The following ARID1B variants were observed in gnomAD, a reference collection of about 807,000 sequenced individuals.
ARID1B encodes the protein AT-rich interaction domain 1B.
Under a neutral mutation model 212.3 loss-of-function variants are expected in ARID1B, and 30 were observed. That is an observed-to-expected ratio of 0.14 (90% CI 0.11 to 0.19). The LOEUF (loss-of-function observed/expected upper bound fraction) is 0.19. ARID1B is among the 10% of genes least tolerant of loss of function. The pLI is 1.00. For missense variants in ARID1B, 2,891 were observed against 3,204.0 expected (o/e 0.90, Z 2.36); for synonymous variants, 1,402 against 1,301.7 (o/e 1.08, Z -1.66).
chr6:156,859,896 A>G lies in ARID1B; in HGVS notation c.1986+30475A>G, dbSNP rs546757072. On this transcript the variant is annotated intron_variant, in intron 2 of 19. Transcript: ENST00000636930. ...TTTCACACCCTTCTTGTCTAGTTAC[A>G]TAATTGTATGCAGCAGGAGTTGTTT... Among the ~76,000 whole-genome samples, 4 of 152,324 alleles carry G rather than the reference A, an allele frequency of 2.6e-5. 1 individual carries two copies. In the South Asian group the frequency reaches 8.3e-4, roughly 32 times the overall value.
intron 2 of ARID1B, among the ~76,000 whole-genome samples, chr6:156,846,356 G>T (rs1246725581): frequency 1.3e-5 from 2 of 150,970 alleles, no homozygotes; most frequent in Admixed American, 1.3e-4. Context: ...TAGTGGAGAC[G>T]GGGTTTCACC....
At chr6:157,033,532 C>T (rs745740731) in intron 4 of ARID1B, among the ~76,000 whole-genome samples, 1 of 152,168 alleles carries the variant, frequency 6.6e-6, no homozygotes, top group South Asian at 2.1e-4. Context: ...AAGGAAAGTA[C>T]GGCCAGTTTT....
chr6:156,823,154 C>T (rs975228297), intron 1 of ARID1B, among the ~76,000 whole-genome samples: 4 of 152,090 alleles, frequency 2.6e-5, no homozygotes, highest in South Asian at 2.1e-4. Flanking sequence ...GTGTGTAGTC[C>T]GCTGTGTTGG....
At chr6:156,970,561 T>G (rs1383817157) in intron 4 of ARID1B, among the ~76,000 whole-genome samples, 1 of 152,268 alleles carries the variant, frequency 6.6e-6, no homozygotes, top group Non-Finnish European at 1.5e-5. Flanking sequence ...AAACAATTTG[T>G]TCAAAACTAT....
chr6:156,975,602 A>ATTT (rs57649427), intron 4 of ARID1B, among the ~76,000 whole-genome samples: 1 of 86,300 alleles, frequency 1.2e-5, no homozygotes, highest in African/African-American at 4.7e-5. Flanking sequence ...GTTTGACTGT[A>ATTT]TTTTTTTTTT....
At position 156,778,817 on chromosome 6, in the gene ARID1B, C is replaced by A. The variant is rs1201926612; in HGVS notation, c.1137C>A (p.Asn379Lys). The change falls in exon 1 of 20, where the codon AAC becomes AAA. Residue 379 changes from asparagine to lysine, a missense_variant. Physicochemically the swap from Asn to Lys is moderately conservative, Grantham distance 94. Around this residue, in one of 7 missense-constraint regions of ARID1B, gnomAD observed 1,643 missense variants for 1,544.0 expected, o/e 1.06. Transcript: ENST00000636930. ...AAGGGTACCCCAACAGCCAGTGCAA[C>A]CATTATCCGGGCTACAGCCGGCCCG... ...SHEGYPNSQC[N>K]HYPGYSRPGA... 6.8e-7 allele frequency: 1 copy of A among 1,475,514 alleles called. No homozygotes were observed. Among genetic ancestry groups the A allele is most frequent in the Admixed American group, 2.3e-5 (1 of 43,778 alleles). The allele number at this position is 1,475,514 out of a possible 1,614,324, so 91.4% of individuals were successfully genotyped here.
rs568743907 is a variant in ARID1B at position 156,979,569 on chromosome 6, T to C, written c.2247+43993T>C. ...TATTTGAATCAGCTGTTGCTGTTTT[T>C]TTTTTTTGAGACAAAGTCTCGCTCT... On this transcript the variant is annotated intron_variant, in intron 4 of 19. Coordinates refer to ENST00000636930, the MANE Select transcript of ARID1B (RefSeq NM_001374828.1). Among the ~76,000 whole-genome samples, 553 of 152,202 alleles carry C rather than the reference T, an allele frequency of 3.6e-3. 6 individuals are homozygous for C. The highest frequency in any genetic ancestry group is 0.012 in the African/African-American group (518 of 41,526).
At chr6:156,894,839 A>G (rs1788256171) in intron 2 of ARID1B, among the ~76,000 whole-genome samples, 1 of 152,190 alleles carries the variant, frequency 6.6e-6, no homozygotes, top group Non-Finnish European at 1.5e-5. Context: ...ACTGGACTGG[A>G]CTATAGTTTA....
chr6:157,207,573 A>G lies in ARID1B; in HGVS notation c.6801A>G (p.Leu2267=). ...CGAACCTTGCCCAAGGGGACGCACT[A>G]GCAGCAAGGGCCATAGCTGTGCAGA... is the stretch of plus-strand genomic sequence containing the variant. The part of the protein sequence containing the change: ...LLSNLAQGDA[L]AARAIAVQKG... Residue 2267 remains leucine (L), a synonymous_variant, in exon 20 of 20, where the codon CTA becomes CTG. Transcript: ENST00000636930. The surrounding 1 kb of genome is among the most constrained non-coding windows in gnomAD (Gnocchi z 8.5). The G allele has an allele frequency of 1.2e-6, 2 of 1,614,168 alleles. No homozygotes were observed.
chr6:156,869,188 G>A (rs910303868), intron 2 of ARID1B, among the ~76,000 whole-genome samples: 6 of 152,188 alleles, frequency 3.9e-5, no homozygotes, highest in African/African-American at 1.4e-4. Flanking sequence ...TACCAAGTGT[G>A]TGTCAGAAGA....
At chr6:156,818,098 ATTTTTTTTTT>A (rs71027317) in intron 1 of ARID1B, among the ~76,000 whole-genome samples, 3 of 61,322 alleles carry the variant, frequency 4.9e-5, no homozygotes, top group African/African-American at 2.1e-4. Flanking sequence ...TAGTTGCCCT[ATTTTTTTTTT>A]TTTTTTTTTT....
intron 6 of ARID1B, among the ~76,000 whole-genome samples, chr6:157,131,150 G>C (rs1228940606): frequency 6.6e-6 from 1 of 152,156 alleles, no homozygotes; most frequent in African/African-American, 2.4e-5. Context: ...TCAGCACTCT[G>C]TTGGCCGCAT....
intron 4 of ARID1B, among the ~76,000 whole-genome samples, chr6:156,950,812 T>A (rs750933649): frequency 1.3e-5 from 2 of 152,212 alleles, no homozygotes; most frequent in Non-Finnish European, 2.9e-5. Context: ...GACTGTCCTG[T>A]CATATCCCTT....
At chr6:156,932,155 C>G (rs370728582) in intron 3 of ARID1B, among the ~76,000 whole-genome samples, 581 of 83,426 alleles carry the variant, frequency 7.0e-3, no homozygotes, top group Middle Eastern at 0.016. Context: ...AGGGGGGGGG[C>G]GGGGTGAAGA....
chr6:157,178,443 G>A (rs997973227), intron 11 of ARID1B, among the ~76,000 whole-genome samples: 1 of 152,156 alleles, frequency 6.6e-6, no homozygotes, highest in South Asian at 2.1e-4. Context: ...GTGTGACGTC[G>A]TGCTGCAAAG....
Position 157,110,496 on chromosome 6 carries a change from C to A in ARID1B, c.2516C>A (p.Pro839His). The change falls in exon 6 of 20, where the codon CCC becomes CAC. Residue 839 changes from proline to histidine, a missense_variant. By Grantham distance (77) the Pro-to-His change is moderately conservative. This residue lies in a region of ARID1B where 1,643 missense variants were observed against 1,544.0 expected (regional missense o/e 1.06). Coordinates refer to ENST00000636930, the MANE Select transcript of ARID1B (RefSeq NM_001374828.1). ...IPGSQMPPQP[P>H]GSQSESSSHP... ...GGTAGTCAGATGCCTCCGCAGCCAC[C>A]CGGGAGCCAGTCAGAATCCAGTTCC... 1.2e-6 allele frequency: 2 copies of A among 1,614,114 alleles called. No homozygotes were observed. The highest frequency in any genetic ancestry group is 1.3e-5 in the African/African-American group (1 of 75,018).
rs1267195732 is a variant in ARID1B, at chr6:157,203,687, A to G, written c.5264-179A>G. The G allele has an allele frequency of 1.3e-6, 1 of 796,172 alleles. No homozygotes were observed. The highest frequency in any genetic ancestry group is 1.7e-5 in the African/African-American group (1 of 57,920). The allele number at this position is 796,172 out of a possible 1,614,324, so 49.3% of individuals were successfully genotyped here. A position where few individuals can be genotyped will look rare whatever the true frequency, so the allele number is the denominator to read the frequency against. On this transcript the variant is annotated intron_variant, in intron 18 of 19. Transcript: ENST00000636930. The surrounding 1 kb of genome is among the most constrained non-coding windows in gnomAD (Gnocchi z 4.4). Reference sequence around the variant, plus strand: ...TCTGAAACCACAAAAGTTTCTCGTTACAGCTATGGCCTCCATTTAAAATCG... The same window carrying G: ...TCTGAAACCACAAAAGTTTCTCGTTGCAGCTATGGCCTCCATTTAAAATCG...
chr6:156,869,570 A>G (rs1316005443), intron 2 of ARID1B, among the ~76,000 whole-genome samples: 1 of 152,238 alleles, frequency 6.6e-6, no homozygotes, highest in Non-Finnish European at 1.5e-5. Flanking sequence ...AGTGACCTAT[A>G]TTAACTACTT....
intron 2 of ARID1B, among the ~76,000 whole-genome samples, chr6:156,853,493 A>T (rs1366927759): frequency 6.6e-6 from 1 of 152,044 alleles, no homozygotes; most frequent in Admixed American, 6.6e-5. Flanking sequence ...AGGCTGCAGG[A>T]CAGGTGCTTT....
Sources: gnomAD v4.1 joint callset for allele counts (sites outside exome capture counted in the v4.1 genomes callset) on GRCh38, gnomAD v4.1.1 for gene constraint, gnomAD v4.1.1 regional missense constraint, Gnocchi (gnomAD v3.1) non-coding constraint, MANE v1.5 for transcripts, NCBI Gene and HGNC (gene_info 2026-07-23, HGNC 2026-07-21) for gene names.